MYRFL: variants seen among roughly 807,000 people sequenced by gnomAD.
MYRFL encodes the protein myelin regulatory factor-like protein.
Under a neutral mutation model 109.4 loss-of-function variants are expected in MYRFL, and 88 were observed. The observed-to-expected ratio is 0.80, with a 90% CI of 0.68 to 0.96. MYRFL has a LOEUF of 0.96. Ranked by LOEUF, MYRFL falls within the 40% of genes least tolerant of loss-of-function variation. The pLI is 0.00. For missense variants in MYRFL, 957 were observed against 954.9 expected (o/e 1.00, Z -0.03); for synonymous variants, 324 against 320.9 (o/e 1.01, Z -0.10).
At chr12:69,935,940 A>T in intron 16 of MYRFL, 173 bp from the exon 17 acceptor site, 1 of 707,784 alleles carries the variant, frequency 1.4e-6, no homozygotes, top group Non-Finnish European at 2.3e-6. Context: ...AGAAAAGCAT[A>T]ACTGTGCTGG....
intron 1 of MYRFL, among the ~76,000 whole-genome samples, chr12:69,837,744 T>C (rs1264959883): frequency 3.3e-5 from 5 of 152,218 alleles, no homozygotes; most frequent in Non-Finnish European, 7.3e-5. Flanking sequence ...CCTTGTTTAC[T>C]TGGTTAACTT....
chr12:69,952,215 G>C (rs754415517), intron 20 of MYRFL, 40 bp downstream of exon 20: 5 of 1,510,216 alleles, frequency 3.3e-6, no homozygotes, highest in Non-Finnish European at 4.5e-6. Context: ...TTGGCTTTGC[G>C]GGGCCAGGCC....
chr12:69,842,747 A>G (rs139473145), intron 1 of MYRFL, among the ~76,000 whole-genome samples: 2 of 152,150 alleles, frequency 1.3e-5, no homozygotes, highest in African/African-American at 4.8e-5. Flanking sequence ...TCTTTTACCT[A>G]GTGAATCCCT....
intron 19 of MYRFL, among the ~76,000 whole-genome samples, chr12:69,938,417 G>A (rs1343963078): frequency 6.6e-6 from 1 of 152,126 alleles, no homozygotes; most frequent in Non-Finnish European, 1.5e-5. Context: ...AGGGTTTCTT[G>A]ACCTCTGAAC....
chr12:69,952,251 T>A (rs1438076242), intron 20 of MYRFL, 76 bp downstream of exon 20: 1 of 1,333,810 alleles, frequency 7.5e-7, no homozygotes, highest in Non-Finnish European at 1.0e-6. Context: ...AAAGCATTGC[T>A]GGAGTGAGGA....
At chr12:69,842,794 A>G (rs1247697760) in intron 1 of MYRFL, among the ~76,000 whole-genome samples, 1 of 152,212 alleles carries the variant, frequency 6.6e-6, no homozygotes, top group East Asian at 1.9e-4. Context: ...TGTCACTGAT[A>G]GGAAGTCCTT....
intron 5 of MYRFL, among the ~76,000 whole-genome samples, 179 bp downstream of exon 5, chr12:69,880,471 C>T (rs1019802013): frequency 6.6e-6 from 1 of 152,164 alleles, no homozygotes; most frequent in Non-Finnish European, 1.5e-5. Flanking sequence ...CGGGGTCACA[C>T]AGGTCCTCCT....
chr12:69,955,315 CT>C, intron 21 of MYRFL, 47 bp from the exon 22 acceptor site: 2 of 590,238 alleles, frequency 3.4e-6, no homozygotes, highest in Non-Finnish European at 3.0e-6. Flanking sequence ...CCTTCGAAGA[CT>C]TTCCTGCATA....
intron 1 of MYRFL, among the ~76,000 whole-genome samples, chr12:69,833,135 G>T (rs1297677157): frequency 6.6e-6 from 1 of 152,098 alleles, no homozygotes; most frequent in Non-Finnish European, 1.5e-5. Context: ...TCAGCTTAAA[G>T]AGTCATCAGT....
intron 22 of MYRFL, among the ~76,000 whole-genome samples, chr12:69,956,938 G>T (rs921549728): frequency 6.6e-6 from 1 of 152,146 alleles, no homozygotes; most frequent in Admixed American, 6.5e-5. Flanking sequence ...AAGGAAATAA[G>T]GTTATATGCT....
rs530221071 is a variant in MYRFL at position 69,948,193 on chromosome 12, A to G, written c.2225-3920A>G. On this transcript the variant is annotated intron_variant, in intron 19 of 24. Transcript: ENST00000552032. ...GGGTTTCTTATAACCAGCCTTTCAGAGTCAAATAGTCTTGTTTCAGAGAAG... is the reference window on the plus strand; with the variant it reads ...GGGTTTCTTATAACCAGCCTTTCAGGGTCAAATAGTCTTGTTTCAGAGAAG... Among the ~76,000 whole-genome samples, 250 of 152,284 alleles carry G rather than the reference A, an allele frequency of 1.6e-3. 3 individuals carry two copies. The highest frequency in any genetic ancestry group is 6.8e-3 in the Middle Eastern group (2 of 294).
chr12:69,840,711 A>G (rs947817968), intron 1 of MYRFL, among the ~76,000 whole-genome samples: 1 of 152,174 alleles, frequency 6.6e-6, no homozygotes. Context: ...GCTGAACAGG[A>G]AAGGCAATGA....
chr12:69,855,216 G>A, intron 1 of MYRFL, 64 bp from the exon 2 acceptor site: 1 of 673,528 alleles, frequency 1.5e-6, no homozygotes, highest in Non-Finnish European at 2.7e-6. Context: ...ATTTGTCAGT[G>A]TTTTTAGCCA....
intron 19 of MYRFL, among the ~76,000 whole-genome samples, chr12:69,944,412 T>C (rs1210462283): frequency 7.0e-6 from 1 of 143,280 alleles, no homozygotes; most frequent in African/African-American, 2.6e-5. Context: ...GAAATCATCA[T>C]TCTCAGTAAA....
chr12:69,867,438 G>GT (rs1219812298), intron 2 of MYRFL, among the ~76,000 whole-genome samples: 1 of 152,202 alleles, frequency 6.6e-6, no homozygotes, highest in East Asian at 1.9e-4. Context: ...AGTGTGCTTA[G>GT]TAGGGGTAGA....
intron 16 of MYRFL, among the ~76,000 whole-genome samples, chr12:69,934,290 C>T (rs1955376076): frequency 6.6e-6 from 1 of 152,224 alleles, no homozygotes; most frequent in African/African-American, 2.4e-5. Flanking sequence ...GGTGCTGATA[C>T]AGGAGCAATC....
chr12:69,943,936 CTCA>C (rs1253282335), intron 19 of MYRFL, among the ~76,000 whole-genome samples: 2 of 150,230 alleles, frequency 1.3e-5, no homozygotes, highest in African/African-American at 4.9e-5. Flanking sequence ...TGAAAAAATG[CTCA>C]TCATCACTGG....
rs1168905582 is a variant in MYRFL, at chr12:69,952,854, T to A, written c.2343T>A (p.Asp781Glu). ...TTATGGAAATCCAGCAAATAATAGA[T>A]CATCAGTATTGCATTCAAAGCCTCC... ...IQIMEIQQII[D>E]HQYCIQSLQC... is the part of the protein sequence containing the mutation. The change falls in exon 21 of 25, where the codon GAT (aspartate) becomes GAA (glutamate). Residue 781 changes from aspartate to glutamate, a missense_variant. Asp to Glu is a conservative substitution (Grantham distance 45). Transcript: ENST00000552032. The A allele has an allele frequency of 6.5e-7, 1 of 1,535,612 alleles. No individual in the cohort carries two copies. Among genetic ancestry groups the A allele is most frequent in the African/African-American group, 1.4e-5 (1 of 73,042 alleles).
At chr12:69,951,907 T>C (rs1178251171) in intron 19 of MYRFL, among the ~76,000 whole-genome samples, 1 of 152,154 alleles carries the variant, frequency 6.6e-6, no homozygotes, top group Non-Finnish European at 1.5e-5. Flanking sequence ...GGGGACCCAA[T>C]TTAGTCCATA....
Sources: gnomAD v4.1 joint callset for allele counts (sites outside exome capture counted in the v4.1 genomes callset) on GRCh38, gnomAD v4.1.1 for gene constraint, MANE v1.5 for transcripts, NCBI Gene and HGNC (gene_info 2026-07-23, HGNC 2026-07-21) for gene names.